Variants in STK3 observed in about 807,000 individuals in gnomAD.
STK3 encodes the protein serine/threonine-protein kinase 3.
STK3 carries 41 observed loss-of-function variants against 58.0 expected under a neutral mutation model. That is an observed-to-expected ratio of 0.71 (90% confidence interval 0.55 to 0.92). STK3 has a LOEUF of 0.92. Among genes scored for constraint, STK3 ranks in the 40% least tolerant of loss-of-function variants. The pLI is 0.00. For missense variants in STK3, 479 were observed against 602.7 expected, an observed-to-expected ratio of 0.79 and a Z score of 2.15; for synonymous variants, 170 against 191.0, an observed-to-expected ratio of 0.89 and a Z score of 0.91.
At chr8:98,423,957 G>C (rs1300779688) in intron 3 of STK3, among the ~76,000 whole-genome samples, 1 of 152,220 alleles carries the variant, frequency 6.6e-6, no homozygotes, top group Non-Finnish European at 1.5e-5. Context: ...CATCTTCCCA[G>C]CAGGCCAGCC....
At chr8:98,442,891 A>C (rs148899118) in intron 1 of STK3, among the ~76,000 whole-genome samples, 1 of 152,262 alleles carries the variant, frequency 6.6e-6, no homozygotes, top group East Asian at 1.9e-4. Flanking sequence ...CAGTGCAGGA[A>C]GTCCTGAGAC....
rs992039327 is a variant in STK3, at chr8:98,588,309, C to T, written c.822+7723G>A. On this transcript the variant is annotated intron_variant, in intron 7 of 10. Transcript: ENST00000419617. ...GGCAGGCCTGGTGGTGACAAAATCT[C>T]TCAGCATTTGCTTGTCTGTAAAGGA... Among the ~76,000 whole-genome samples, 52 of 151,818 alleles carry T rather than the reference C, an allele frequency of 3.4e-4. 1 individual carries two copies. Among genetic ancestry groups the T allele is most frequent in the East Asian group, 1.4e-3 (7 of 5,168 alleles).
chr8:98,915,238 T>C (rs1387152523), intron 1 of STK3, among the ~76,000 whole-genome samples: 1 of 151,814 alleles, frequency 6.6e-6, no homozygotes, highest in Non-Finnish European at 1.5e-5. Context: ...CCAGCACCAC[T>C]AGAACATAAA....
upstream of STK3, chr8:98,825,783 GCCCC>G (rs1835241578): frequency 1.6e-5 from 1 of 63,056 alleles, no homozygotes; most frequent in African/African-American, 6.5e-5. Context: ...CGGCCGCCCC[GCCCC>G]GCCCCCGGCC....
chr8:98,881,346 G>A (rs895342726), downstream of STK3: 2 of 152,208 alleles, frequency 1.3e-5, no homozygotes, highest in Non-Finnish European at 2.9e-5. Context: ...ACAGTAAAAG[G>A]TCAGTTGTTC....
intron 1 of STK3, among the ~76,000 whole-genome samples, chr8:98,920,305 T>C (rs1482604538): frequency 6.6e-6 from 1 of 152,144 alleles, no homozygotes; most frequent in East Asian, 1.9e-4. Context: ...CATGTGTAGA[T>C]AGATTTCTCC....
In STK3 at chr8:98,861,916, C is replaced by T. The variant is rs1280284701; in HGVS notation, c.110+21731G>A. ...AATTTATTATTTGAAGTCCCAGTTT[C>T]CTCATCTGAAAGAATGTCAGCCTGA... On this transcript the variant is annotated intron_variant, in intron 3 of 12. Transcript: ENST00000523601. Among the ~76,000 whole-genome samples, 10 of 152,252 alleles carry T rather than the reference C, an allele frequency of 6.6e-5. No homozygotes were observed. In the East Asian group the frequency reaches 1.7e-3, roughly 26 times the overall value.
intron 4 of STK3, among the ~76,000 whole-genome samples, chr8:98,711,522 G>A: frequency 6.6e-6 from 1 of 152,190 alleles, no homozygotes; most frequent in Non-Finnish European, 1.5e-5. Context: ...TCAACTGGAA[G>A]AAAGGGTATC....
At chr8:98,395,081 G>A (rs572939283) in intron 3 of STK3, among the ~76,000 whole-genome samples, 23 of 151,192 alleles carry the variant, frequency 1.5e-4, no homozygotes, top group Non-Finnish European at 2.8e-4. Context: ...ATGAAGTGAA[G>A]CTGCCTTAGA....
At chr8:98,410,822 G>C (rs968450946) in intron 3 of STK3, among the ~76,000 whole-genome samples, 1 of 152,206 alleles carries the variant, frequency 6.6e-6, no homozygotes, top group African/African-American at 2.4e-5. Context: ...TGCTAACAGA[G>C]AGAAGAAAGG....
intron 6 of STK3, among the ~76,000 whole-genome samples, chr8:98,662,873 T>A: frequency 6.6e-6 from 1 of 152,002 alleles, no homozygotes. Flanking sequence ...CCCCTTCCTG[T>A]TAATTCAAGA....
At chr8:98,351,206 T>G in the STK3 span, among the ~76,000 whole-genome samples, 1 of 152,180 alleles carries the variant, frequency 6.6e-6, no homozygotes, top group African/African-American at 2.4e-5. Flanking sequence ...AGCACAAACC[T>G]TGGGTAACCA....
At chr8:98,699,556 CTGTT>C (rs1418476950) in intron 6 of STK3, among the ~76,000 whole-genome samples, 7 of 152,198 alleles carry the variant, frequency 4.6e-5, no homozygotes, top group African/African-American at 1.7e-4. Flanking sequence ...GATGTCCTTT[CTGTT>C]TGTTAGTTTT....
intron 2 of STK3, among the ~76,000 whole-genome samples, chr8:98,376,976 C>T (rs146854405): frequency 6.6e-6 from 1 of 152,188 alleles, no homozygotes; most frequent in African/African-American, 2.4e-5. Flanking sequence ...CTTTCTTTTG[C>T]CAGTCTCACC....
intron 3 of STK3, among the ~76,000 whole-genome samples, chr8:98,839,829 C>T (rs913445399): frequency 2.0e-5 from 3 of 151,866 alleles, no homozygotes; most frequent in African/African-American, 4.8e-5. Context: ...GGGCACCTTG[C>T]GAATAAATCA....
chr8:98,442,610 G>T (rs191307583), intron 1 of STK3, among the ~76,000 whole-genome samples: 1 of 152,328 alleles, frequency 6.6e-6, no homozygotes, highest in African/African-American at 2.4e-5. Flanking sequence ...TGTTAAACTC[G>T]TTCCTCAGTG....
intron 1 of STK3, among the ~76,000 whole-genome samples, chr8:98,923,204 G>T (rs1276412588): frequency 6.6e-6 from 1 of 152,178 alleles, no homozygotes; most frequent in Admixed American, 6.5e-5. Context: ...TTAGAAGAAG[G>T]TATGAAATAA....
the STK3 span, among the ~76,000 whole-genome samples, chr8:98,348,616 C>A: frequency 6.6e-6 from 1 of 152,152 alleles, no homozygotes; most frequent in Non-Finnish European, 1.5e-5. Context: ...CAGATCTGAA[C>A]AAGCATCTCA....
chr8:98,793,689 T>C (rs188410357), intron 1 of STK3, among the ~76,000 whole-genome samples: 4 of 152,238 alleles, frequency 2.6e-5, no homozygotes, highest in African/African-American at 7.2e-5. Context: ...ACATGATGAA[T>C]TGGACCTAAC....
Sources: gnomAD v4.1 joint callset for allele counts (sites outside exome capture counted in the v4.1 genomes callset) on GRCh38, gnomAD v4.1.1 for gene constraint, MANE v1.5 for transcripts, NCBI Gene and HGNC (gene_info 2026-07-23, HGNC 2026-07-21) for gene names.